GRM7: variants seen among roughly 807,000 people sequenced by gnomAD.
The protein encoded by GRM7 is metabotropic glutamate receptor 7.
GRM7 carries 35 observed loss-of-function variants against 84.5 expected under a neutral mutation model. The observed-to-expected ratio is 0.41, with a 90% confidence interval of 0.32 to 0.55. The LOEUF is 0.55. Ranked by LOEUF, GRM7 falls within the 20% of genes least tolerant of loss-of-function variation. GRM7 has a pLI of 0.19. For missense variants in GRM7, 1,003 were observed against 1,194.6 expected, an observed-to-expected ratio of 0.84 and a Z score of 2.36; for synonymous variants, 487 against 455.1, an observed-to-expected ratio of 1.07 and a Z score of -0.89.
chr3:7,162,874 C>A lies in GRM7; in HGVS notation c.736+16206C>A, dbSNP rs1312882906. On this transcript the variant is annotated intron_variant, in intron 2 of 9. Transcript: ENST00000357716. ...TCCTGGGTTCAAGCGATTCTCCTAC[C>A]TCAGCCTACTTAGTAGCTGAGATTA... Among the ~76,000 whole-genome samples, 4 of 149,978 alleles carry A rather than the reference C, an allele frequency of 2.7e-5. No homozygotes were observed. In the East Asian group the frequency reaches 8.1e-4, roughly 30 times the overall value.
At chr3:7,178,596 T>C (rs1695233036) in intron 2 of GRM7, among the ~76,000 whole-genome samples, 1 of 152,142 alleles carries the variant, frequency 6.6e-6, no homozygotes. Context: ...AGTCGACCCA[T>C]AAAGCAGAAA....
At chr3:7,019,571 A>G (rs1414890317) in intron 1 of GRM7, among the ~76,000 whole-genome samples, 1 of 152,224 alleles carries the variant, frequency 6.6e-6, no homozygotes, top group Non-Finnish European at 1.5e-5. Flanking sequence ...AGTCGCCATC[A>G]TTTTGTGATG....
At chr3:7,638,027 C>A (rs2125102365) in intron 8 of GRM7, among the ~76,000 whole-genome samples, 1 of 152,260 alleles carries the variant, frequency 6.6e-6, no homozygotes. Flanking sequence ...TTCTCTCTGG[C>A]ATATCCAAGA....
chr3:7,727,382 T>C (rs1303470682), intron 9 of GRM7, among the ~76,000 whole-genome samples: 1 of 152,202 alleles, frequency 6.6e-6, no homozygotes, highest in Non-Finnish European at 1.5e-5. Flanking sequence ...ATTGACTAAA[T>C]TTTTAAAAAT....
chr3:7,664,011 G>A (rs765846354), intron 8 of GRM7, among the ~76,000 whole-genome samples: 15 of 152,166 alleles, frequency 9.9e-5, no homozygotes, highest in East Asian at 3.8e-4. Flanking sequence ...TCTCTAATGC[G>A]TGCAAAGCCT....
chr3:7,610,494 C>A (rs998274879), intron 8 of GRM7, among the ~76,000 whole-genome samples: 2 of 152,032 alleles, frequency 1.3e-5, no homozygotes, highest in Non-Finnish European at 1.5e-5. Context: ...TTTATGTTTT[C>A]ATTTCTATTA....
At chr3:7,262,807 G>A (rs1043842990) in intron 2 of GRM7, among the ~76,000 whole-genome samples, 1 of 152,128 alleles carries the variant, frequency 6.6e-6, no homozygotes, top group Non-Finnish European at 1.5e-5. Context: ...AAGCAATTGT[G>A]CTGCCTCAGC....
At chr3:7,276,033 G>T (rs960345771) in intron 2 of GRM7, among the ~76,000 whole-genome samples, 3 of 152,082 alleles carry the variant, frequency 2.0e-5, no homozygotes, top group Non-Finnish European at 2.9e-5. Flanking sequence ...GTCCCTCCAT[G>T]TTAGGGGCAG....
chr3:7,711,420 G>A (rs1409328293), intron 9 of GRM7, among the ~76,000 whole-genome samples: 2 of 152,186 alleles, frequency 1.3e-5, no homozygotes, highest in Admixed American at 6.5e-5. Flanking sequence ...TAGTGAGCGA[G>A]CAGGAAAGTG....
intron 1 of GRM7, among the ~76,000 whole-genome samples, chr3:7,008,829 G>A (rs1365844458): frequency 6.6e-6 from 1 of 152,038 alleles, no homozygotes; most frequent in Non-Finnish European, 1.5e-5. Flanking sequence ...GAAGCTTAGA[G>A]CCAGTGAATG....
In GRM7 at chr3:7,736,513, T is replaced by C. The variant is rs377333242; in HGVS notation, c.2699-3844T>C. Reference sequence around the variant, plus strand: ...AGTAAATCTTAAAAACACAATGTTATATGAAACCAGATTTCAAGTGGATAT... The same window carrying C: ...AGTAAATCTTAAAAACACAATGTTACATGAAACCAGATTTCAAGTGGATAT... On this transcript the variant is annotated intron_variant, in intron 9 of 9. Coordinates refer to ENST00000357716, the MANE Select transcript of GRM7 (RefSeq NM_000844.4). Among the ~76,000 whole-genome samples the C allele has an allele frequency of 1.6e-4, 24 of 152,286 alleles. 1 individual carries two copies. The highest frequency in any genetic ancestry group is 4.1e-4 in the South Asian group (2 of 4,828).
At chr3:7,384,579 C>G (rs1195574940) in intron 4 of GRM7, among the ~76,000 whole-genome samples, 1 of 152,134 alleles carries the variant, frequency 6.6e-6, no homozygotes, top group Non-Finnish European at 1.5e-5. Context: ...AATATCATCT[C>G]AACATATAAT....
intron 1 of GRM7, among the ~76,000 whole-genome samples, chr3:7,029,079 G>A (rs575728962): frequency 1.5e-4 from 23 of 152,152 alleles, no homozygotes; most frequent in African/African-American, 4.8e-4. Context: ...CAAGGAGGGC[G>A]GATCACCTGA....
At chr3:6,877,166 A>G (rs909912333) in intron 1 of GRM7, among the ~76,000 whole-genome samples, 1 of 152,204 alleles carries the variant, frequency 6.6e-6, no homozygotes, top group African/African-American at 2.4e-5. Flanking sequence ...CAGCACTTGC[A>G]TCATGTTAGT....
rs189557454 is a variant in GRM7 at position 7,138,514 on chromosome 3, T to C, written c.520-7938T>C. ...TGAAAAGAAGGTTCTTTGTACTTTATTTAAGCAAAGAAGAGTGAGAAGTTA... is the reference window on the plus strand; with the variant it reads ...TGAAAAGAAGGTTCTTTGTACTTTACTTAAGCAAAGAAGAGTGAGAAGTTA... On this transcript the variant is annotated intron_variant, in intron 1 of 9. Coordinates refer to ENST00000357716, the MANE Select transcript of GRM7 (RefSeq NM_000844.4). Among the ~76,000 whole-genome samples, 11 of 152,082 alleles carry C rather than the reference T, an allele frequency of 7.2e-5. No individual in the cohort carries two copies. In the East Asian group the frequency reaches 2.1e-3, roughly 29 times the overall value.
chr3:7,165,215 G>A (rs577047817), intron 2 of GRM7, among the ~76,000 whole-genome samples: 1 of 152,292 alleles, frequency 6.6e-6, no homozygotes, highest in African/African-American at 2.4e-5. Context: ...ACCCCATGGC[G>A]CATCCCAGTA....
chr3:6,941,398 T>C (rs1326452259), intron 1 of GRM7, among the ~76,000 whole-genome samples: 1 of 152,258 alleles, frequency 6.6e-6, no homozygotes, highest in Non-Finnish European at 1.5e-5. Flanking sequence ...TTATTCTTTG[T>C]CTTTTATTCA....
At chr3:7,542,068 T>G (rs1023714555) in intron 7 of GRM7, among the ~76,000 whole-genome samples, 9 of 152,182 alleles carry the variant, frequency 5.9e-5, no homozygotes, top group African/African-American at 2.2e-4. Context: ...TTTCTCTTTT[T>G]ATGAGGACAC....
intron 7 of GRM7, among the ~76,000 whole-genome samples, chr3:7,575,662 T>A (rs1291485314): frequency 6.6e-6 from 1 of 152,194 alleles, no homozygotes; most frequent in East Asian, 1.9e-4. Context: ...CAGATTATAT[T>A]TTCAATAATG....
Sources: gnomAD v4.1 joint callset for allele counts (sites outside exome capture counted in the v4.1 genomes callset) on GRCh38, gnomAD v4.1.1 for gene constraint, MANE v1.5 for transcripts, NCBI Gene and HGNC (gene_info 2026-07-23, HGNC 2026-07-21) for gene names.